NAALADL2: variants seen among roughly 807,000 people sequenced by gnomAD.
The protein encoded by NAALADL2 is N-acetylated alpha-linked acidic dipeptidase like 2.
Under a neutral mutation model 87.2 loss-of-function variants are expected in NAALADL2, and 76 were observed. The observed-to-expected ratio is 0.87, with a 90% CI of 0.72 to 1.05. The LOEUF (loss-of-function observed/expected upper bound fraction) is 1.05, where lower values mean the gene tolerates loss of function less well. NAALADL2 is among the 50% of genes least tolerant of loss of function. The pLI is 0.00. For synonymous variants in NAALADL2, 354 were observed against 331.0 expected, an observed-to-expected ratio of 1.07 and a Z score of -0.75; for missense variants, 1,089 against 945.8, an observed-to-expected ratio of 1.15 and a Z score of -1.99.
chr3:174,681,233 G>T (rs575382291), intron 2 of NAALADL2, among the ~76,000 whole-genome samples: 9 of 152,228 alleles, frequency 5.9e-5, no homozygotes, highest in African/African-American at 1.9e-4. Context: ...AGTGCTCTGG[G>T]GTCCAGAATA....
intron 1 of NAALADL2, among the ~76,000 whole-genome samples, chr3:174,450,071 CTTATT>C (rs1369342267): frequency 6.6e-6 from 1 of 151,432 alleles, no homozygotes; most frequent in East Asian, 1.9e-4. Context: ...ATTTGCTATA[CTTATT>C]TTGAGTTGAG....
intron 5 of NAALADL2, among the ~76,000 whole-genome samples, chr3:175,418,451 A>G (rs1025002096): frequency 6.6e-6 from 1 of 152,184 alleles, no homozygotes; most frequent in African/African-American, 2.4e-5. Context: ...TTTATAAAGT[A>G]TATTAAATGT....
intron 5 of NAALADL2, among the ~76,000 whole-genome samples, chr3:175,355,113 G>A (rs1764219477): frequency 6.7e-6 from 1 of 150,212 alleles, no homozygotes; most frequent in South Asian, 2.1e-4. Context: ...CTGTCGCCCA[G>A]GCTGGAGTGC....
intron 11 of NAALADL2, among the ~76,000 whole-genome samples, chr3:175,629,256 C>A (rs1273679218): frequency 1.4e-5 from 2 of 146,100 alleles, no homozygotes; most frequent in Admixed American, 6.9e-5. Flanking sequence ...TGATATATTT[C>A]TAATACTTGG....
At chr3:175,789,481 T>C (rs1752519062) in intron 13 of NAALADL2, among the ~76,000 whole-genome samples, 1 of 152,200 alleles carries the variant, frequency 6.6e-6, no homozygotes, top group Admixed American at 6.5e-5. Flanking sequence ...ATAATTTCAA[T>C]TGAGAACATA....
intron 5 of NAALADL2, among the ~76,000 whole-genome samples, chr3:175,443,046 C>T (rs1027373190): frequency 1.3e-5 from 2 of 152,148 alleles, no homozygotes; most frequent in Non-Finnish European, 2.9e-5. Flanking sequence ...AGATAAAACT[C>T]TTCTCTCAGC....
intron 5 of NAALADL2, among the ~76,000 whole-genome samples, chr3:175,334,964 C>T (rs959967771): frequency 9.2e-5 from 14 of 152,088 alleles, no homozygotes; most frequent in East Asian, 1.9e-4. Context: ...TCCCCCAGAA[C>T]GTTGTGCCGT....
intron 3 of NAALADL2, among the ~76,000 whole-genome samples, chr3:175,255,641 C>A (rs1271131151): frequency 6.6e-6 from 1 of 152,052 alleles, no homozygotes; most frequent in African/African-American, 2.4e-5. Flanking sequence ...ATCTGCAGTT[C>A]AGTGCTTTTT....
intron 1 of NAALADL2, among the ~76,000 whole-genome samples, chr3:174,996,783 C>A (rs1747523720): frequency 6.6e-6 from 1 of 152,046 alleles, no homozygotes. Flanking sequence ...TATCCCTCAA[C>A]CCCCTCCTAA....
At chr3:174,817,070 T>G (rs1167457811) in intron 3 of NAALADL2, among the ~76,000 whole-genome samples, 3 of 152,218 alleles carry the variant, frequency 2.0e-5, no homozygotes, top group African/African-American at 7.2e-5. Flanking sequence ...TTCTTTTTTA[T>G]TTCCTTTGGT....
chr3:175,162,975 A>G (rs1229705863), intron 2 of NAALADL2, among the ~76,000 whole-genome samples: 3 of 152,176 alleles, frequency 2.0e-5, no homozygotes, highest in Admixed American at 2.0e-4. Context: ...GAAGTTACAT[A>G]GCCTGGAACT....
chr3:175,089,807 T>C (rs938853672), intron 1 of NAALADL2, among the ~76,000 whole-genome samples: 3 of 152,178 alleles, frequency 2.0e-5, no homozygotes, highest in African/African-American at 7.2e-5. Context: ...CAGCCTTATA[T>C]ATTAACAACT....
At chr3:175,638,579 T>C (rs1176215965) in intron 11 of NAALADL2, among the ~76,000 whole-genome samples, 4 of 152,196 alleles carry the variant, frequency 2.6e-5, no homozygotes, top group Non-Finnish European at 4.4e-5. Context: ...AAGATGACTG[T>C]ATTCTCTCAA....
chr3:175,779,906 T>G lies in NAALADL2; in HGVS notation c.2190-23099T>G, dbSNP rs536327832. The stretch of plus-strand genomic sequence containing the variant: ...TTTTTATTCCTATCACATGTAATAT[T>G]TTGTAGTATAATTAGCAGCTTACTG... On this transcript the variant is annotated intron_variant, in intron 13 of 13. Coordinates refer to ENST00000454872, the MANE Select transcript of NAALADL2 (RefSeq NM_207015.3). Among the ~76,000 whole-genome samples, 7 of 152,288 alleles carry G rather than the reference T, an allele frequency of 4.6e-5. No individual in the cohort carries two copies. In the South Asian group the frequency reaches 1.4e-3, roughly 32 times the overall value.
intron 1 of NAALADL2, among the ~76,000 whole-genome samples, chr3:174,863,032 A>T (rs1245667539): frequency 6.6e-6 from 1 of 152,112 alleles, no homozygotes; most frequent in African/African-American, 2.4e-5. Flanking sequence ...CTGAAGGAGA[A>T]TTTTGCCATC....
chr3:174,655,186 A>G (rs1018837701), intron 2 of NAALADL2, among the ~76,000 whole-genome samples: 2 of 152,270 alleles, frequency 1.3e-5, no homozygotes, highest in South Asian at 4.1e-4. Flanking sequence ...ACTAACAAAG[A>G]GTAAATTCTT....
chr3:174,656,090 A>G (rs1195657341), intron 2 of NAALADL2, among the ~76,000 whole-genome samples: 1 of 152,238 alleles, frequency 6.6e-6, no homozygotes, highest in Non-Finnish European at 1.5e-5. Context: ...AAGTTATTGT[A>G]CACACAGAAG....
chr3:175,685,490 A>G (rs971274189), intron 11 of NAALADL2, among the ~76,000 whole-genome samples: 9 of 127,424 alleles, frequency 7.1e-5, no homozygotes, highest in Non-Finnish European at 1.2e-4. Flanking sequence ...GTGTGTGTGT[A>G]ATCAGTTAAA....
At chr3:174,947,767 TACAC>T (rs1739678021) in intron 1 of NAALADL2, among the ~76,000 whole-genome samples, 1 of 152,030 alleles carries the variant, frequency 6.6e-6, no homozygotes, top group Non-Finnish European at 1.5e-5. Context: ...TACACACACA[TACAC>T]ATATGTGCAC....
Sources: gnomAD v4.1 joint callset for allele counts (sites outside exome capture counted in the v4.1 genomes callset) on GRCh38, gnomAD v4.1.1 for gene constraint, MANE v1.5 for transcripts, NCBI Gene and HGNC (gene_info 2026-07-23, HGNC 2026-07-21) for gene names.